CCSER1: variants seen among roughly 807,000 people sequenced by gnomAD.
CCSER1 encodes serine-rich coiled-coil domain-containing protein 1.
A neutral mutation model predicts 82.0 loss-of-function variants in CCSER1; 41 were observed. The observed-to-expected ratio is 0.50, with a 90% CI of 0.39 to 0.65. The LOEUF (loss-of-function observed/expected upper bound fraction) is 0.65. CCSER1 is among the 30% of genes least tolerant of loss of function. CCSER1 has a pLI of 0.00. For synonymous variants in CCSER1, 414 were observed against 383.9 expected (o/e 1.08, Z -0.92); for missense variants, 1,119 against 1,064.2 (o/e 1.05, Z -0.72).
chr4:90,377,991 A>G (rs1748631142), intron 3 of CCSER1, among the ~76,000 whole-genome samples: 1 of 151,958 alleles, frequency 6.6e-6, no homozygotes, highest in South Asian at 2.1e-4. Context: ...TTTAGTTTTT[A>G]TTTCTTCCCT....
At chr4:91,402,612 T>C (rs1752414960) in intron 10 of CCSER1, among the ~76,000 whole-genome samples, 1 of 152,248 alleles carries the variant, frequency 6.6e-6, no homozygotes, top group Non-Finnish European at 1.5e-5. Flanking sequence ...TTTCTACATA[T>C]GGCTAGCCAG....
chr4:91,590,809 T>C (rs1395418453), intron 10 of CCSER1, among the ~76,000 whole-genome samples: 1 of 152,158 alleles, frequency 6.6e-6, no homozygotes, highest in Non-Finnish European at 1.5e-5. Flanking sequence ...ATGCCTGGTA[T>C]ATAATAAGGA....
At chr4:90,221,680 C>G (rs1189671871) in intron 1 of CCSER1, among the ~76,000 whole-genome samples, 1 of 152,084 alleles carries the variant, frequency 6.6e-6, no homozygotes, top group Non-Finnish European at 1.5e-5. Flanking sequence ...TTACTTGAGT[C>G]TTTAATAACA....
intron 10 of CCSER1, among the ~76,000 whole-genome samples, chr4:91,165,626 C>A (rs568013996): frequency 1.3e-5 from 2 of 152,350 alleles, no homozygotes; most frequent in Admixed American, 1.3e-4. Context: ...CCTACTCAAG[C>A]CTCAGCAATG....
intron 8 of CCSER1, among the ~76,000 whole-genome samples, chr4:90,909,388 G>T (rs11721809): frequency 0.049 from 7,445 of 152,142 alleles, 519 homozygotes; most frequent in African/African-American, 0.15. Context: ...AAAAGGTGGT[G>T]GTGGCTTGTA....
intron 10 of CCSER1, among the ~76,000 whole-genome samples, chr4:91,439,039 C>G (rs1560671745): frequency 1.3e-5 from 2 of 152,168 alleles, no homozygotes; most frequent in Non-Finnish European, 1.5e-5. Flanking sequence ...AGAATGGAAC[C>G]AAGTTGGAAA....
chr4:90,418,590 A>G (rs1161590184), intron 4 of CCSER1, among the ~76,000 whole-genome samples: 1 of 152,046 alleles, frequency 6.6e-6, no homozygotes, highest in East Asian at 1.9e-4. Flanking sequence ...ATAGGAATAA[A>G]TATCCCAGCT....
chr4:90,936,705 AGATTTC>A (rs1730978204), intron 9 of CCSER1, among the ~76,000 whole-genome samples: 2 of 152,164 alleles, frequency 1.3e-5, no homozygotes, highest in Non-Finnish European at 2.9e-5. Flanking sequence ...ACAGAATTCC[AGATTTC>A]TAAAATGTAT....
intron 6 of CCSER1, among the ~76,000 whole-genome samples, chr4:90,630,219 C>A (rs557463756): frequency 1.3e-5 from 2 of 152,112 alleles, no homozygotes; most frequent in Non-Finnish European, 2.9e-5. Flanking sequence ...TAACATGCAA[C>A]CTGATCCTCT....
intron 10 of CCSER1, among the ~76,000 whole-genome samples, chr4:91,092,288 C>T (rs1311866784): frequency 6.6e-6 from 1 of 152,134 alleles, no homozygotes; most frequent in Non-Finnish European, 1.5e-5. Context: ...TCCGTAGAGG[C>T]AGTCCAAACC....
At chr4:90,732,056 T>TCTCTCA (rs1553999838) in intron 7 of CCSER1, among the ~76,000 whole-genome samples, 305 of 144,292 alleles carry the variant, frequency 2.1e-3, no homozygotes, top group South Asian at 4.1e-3. Flanking sequence ...TCTCTCTCTC[T>TCTCTCA]CTCTCACTGC....
intron 7 of CCSER1, among the ~76,000 whole-genome samples, chr4:90,761,218 T>G (rs1045477990): frequency 5.3e-5 from 8 of 152,120 alleles, no homozygotes; most frequent in Non-Finnish European, 1.0e-4. Context: ...TGGTACTTTT[T>G]GGATTTATTT....
At chr4:91,367,019 CA>C (rs1472303346) in intron 10 of CCSER1, among the ~76,000 whole-genome samples, 3 of 150,024 alleles carry the variant, frequency 2.0e-5, no homozygotes, top group Non-Finnish European at 2.9e-5. Flanking sequence ...AAGAGCTGAG[CA>C]CAGTGGCTCT....
At chr4:90,930,594 CAGAG>C (rs1465966505) in intron 9 of CCSER1, among the ~76,000 whole-genome samples, 1 of 149,950 alleles carries the variant, frequency 6.7e-6, no homozygotes, top group Non-Finnish European at 1.5e-5. Flanking sequence ...GCCTGGGAGA[CAGAG>C]AGAGACTCTG....
At chr4:90,718,211 T>C (rs937161232) in intron 6 of CCSER1, among the ~76,000 whole-genome samples, 4 of 152,038 alleles carry the variant, frequency 2.6e-5, no homozygotes. Context: ...AAGGGGGAAA[T>C]TTAATTTTAT....
chr4:90,796,949 G>A (rs910083045), intron 7 of CCSER1, among the ~76,000 whole-genome samples: 2 of 152,092 alleles, frequency 1.3e-5, no homozygotes, highest in Non-Finnish European at 2.9e-5. Context: ...ACAATGAAAA[G>A]CATGTATATT....
chr4:90,802,228 A>T (rs527935521), intron 7 of CCSER1, among the ~76,000 whole-genome samples: 40 of 148,490 alleles, frequency 2.7e-4, no homozygotes, highest in African/African-American at 5.9e-4. Flanking sequence ...AAAAAAAAAT[A>T]AATTAATTAC....
At chr4:91,134,617 C>T (rs1031948722) in intron 10 of CCSER1, among the ~76,000 whole-genome samples, 5 of 151,800 alleles carry the variant, frequency 3.3e-5, no homozygotes, top group African/African-American at 1.2e-4. Context: ...AAAATTATTC[C>T]TTATAGTAAA....
intron 10 of CCSER1, among the ~76,000 whole-genome samples, chr4:91,426,512 A>G (rs1753991516): frequency 6.6e-6 from 1 of 152,132 alleles, no homozygotes; most frequent in Non-Finnish European, 1.5e-5. Context: ...GATTTAAAAA[A>G]AAAAAGAAAA....
Sources: allele counts gnomAD v4.1 joint callset (sites outside exome capture counted in the v4.1 genomes callset), GRCh38; gene constraint gnomAD v4.1.1; transcripts MANE v1.5; gene names NCBI Gene and HGNC (gene_info 2026-07-23, HGNC 2026-07-21).